CWC15: variants seen among roughly 807,000 people sequenced by gnomAD.
CWC15 encodes spliceosome-associated protein CWC15 homolog.
In CWC15, 12 loss-of-function variants were observed where a neutral mutation model predicts 28.4. The ratio of observed to expected loss-of-function variants is 0.42; its 90% confidence interval spans 0.27 to 0.69. The LOEUF is 0.69. CWC15 is among the 30% of genes least tolerant of loss of function. The pLI, the probability that CWC15 is intolerant of heterozygous loss-of-function variation, is 0.23. For synonymous variants in CWC15, 92 were observed against 88.4 expected (o/e 1.04, Z -0.23); for missense variants, 192 against 271.5 (o/e 0.71, Z 2.06).
chr11:94,972,601 A>G (rs1024892004), intron 1 of CWC15, among the ~76,000 whole-genome samples: 5 of 152,130 alleles, frequency 3.3e-5, no homozygotes, highest in African/African-American at 9.7e-5. Context: ...TTCCAACTCA[A>G]CCTTACTCTA....
Position 94,963,577 on chromosome 11 carries a change from A to G in CWC15, c.561-63T>C, listed in dbSNP as rs1857597331. 13 of 1,434,748 alleles carry G rather than the reference A, an allele frequency of 9.1e-6. No individual in the cohort carries two copies. In the Admixed American group the frequency reaches 2.1e-4, roughly 23 times the overall value. The allele number at this position is 1,434,748 out of a possible 1,614,324, so 88.9% of individuals were successfully genotyped here. On this transcript the variant is annotated intron_variant, in intron 6 of 6. Coordinates refer to ENST00000279839, the MANE Select transcript of CWC15 (RefSeq NM_016403.4). ...TTGTATCAGGAGACAAGAATACTACATGCACTGCAAGGCTTAGTCAGTTAC... is the reference window on the plus strand; with the variant it reads ...TTGTATCAGGAGACAAGAATACTACGTGCACTGCAAGGCTTAGTCAGTTAC...
At chr11:94,971,160 A>C (rs1030331918) in intron 3 of CWC15, 95 bp from the exon 4 acceptor site, 9 of 1,188,898 alleles carry the variant, frequency 7.6e-6, no homozygotes, top group Non-Finnish European at 1.1e-5. Flanking sequence ...CCCACATTAA[A>C]AGCATTATCC....
At chr11:94,963,624 G>C in intron 6 of CWC15, 110 bp from the exon 7 acceptor site, 2 of 782,932 alleles carry the variant, frequency 2.6e-6, no homozygotes, top group Non-Finnish European at 1.8e-6. Flanking sequence ...CTCAACATGT[G>C]TATCATCTGA....
intron 5 of CWC15, among the ~76,000 whole-genome samples, chr11:94,968,221 G>A: frequency 6.6e-6 from 1 of 152,172 alleles, no homozygotes; most frequent in East Asian, 1.9e-4. Context: ...GAGTAGGTGT[G>A]ATAGAGGCTC....
chr11:94,973,052 G>GA (rs1198490510), intron 1 of CWC15, among the ~76,000 whole-genome samples: 2 of 151,632 alleles, frequency 1.3e-5, no homozygotes, highest in Admixed American at 6.6e-5. Flanking sequence ...TTTTTTGGGG[G>GA]GGGGGCGATG....
chr11:94,965,105 C>T (rs1475264780), intron 6 of CWC15, among the ~76,000 whole-genome samples: 3 of 152,082 alleles, frequency 2.0e-5, no homozygotes, highest in African/African-American at 7.2e-5. Context: ...AGCAGTAATG[C>T]ATCACTCCAG....
intron 1 of CWC15, among the ~76,000 whole-genome samples, 154 bp from the exon 2 acceptor site, chr11:94,972,347 T>C (rs1857733956): frequency 6.6e-6 from 1 of 152,140 alleles, no homozygotes; most frequent in African/African-American, 2.4e-5. Flanking sequence ...GAAAACAAAT[T>C]ATGAGGCTTA....
chr11:94,967,064 T>TC (rs1177501657), intron 5 of CWC15, among the ~76,000 whole-genome samples: 2 of 151,630 alleles, frequency 1.3e-5, no homozygotes, highest in Non-Finnish European at 2.9e-5. Flanking sequence ...TTTTTTTTTT[T>TC]TGAGACGGAG....
chr11:94,971,154 C>T (rs996531765), intron 3 of CWC15, 89 bp from the exon 4 acceptor site: 3 of 1,181,564 alleles, frequency 2.5e-6, no homozygotes, highest in East Asian at 2.3e-5. Context: ...AAGGAGCCCA[C>T]ATTAAAAGCA....
At chr11:94,966,581 G>C (rs10831294) in intron 5 of CWC15, among the ~76,000 whole-genome samples, 168 bp from the exon 6 acceptor site, 1 of 123,338 alleles carries the variant, frequency 8.1e-6, no homozygotes, top group African/African-American at 3.1e-5. Flanking sequence ...AGGCATACTA[G>C]AAAAGTCTCC....
intron 1 of CWC15, among the ~76,000 whole-genome samples, chr11:94,972,506 T>C (rs1857736950): frequency 6.6e-6 from 1 of 152,170 alleles, no homozygotes; most frequent in Non-Finnish European, 1.5e-5. Flanking sequence ...AATGGAGATA[T>C]TCCTCATAGA....
intron 2 of CWC15, 79 bp downstream of exon 2, chr11:94,971,976 C>T (rs1249320373): frequency 1.7e-5 from 22 of 1,262,276 alleles, no homozygotes; most frequent in Non-Finnish European, 2.4e-5. Context: ...ATAACTCAAA[C>T]ATACTACTAT....
intron 6 of CWC15, among the ~76,000 whole-genome samples, chr11:94,964,564 T>C (rs1373187449): frequency 1.3e-5 from 2 of 152,192 alleles, no homozygotes; most frequent in East Asian, 1.9e-4. Flanking sequence ...ATCCAGTCTT[T>C]CCTCAACTCC....
In CWC15 at chr11:94,963,517, G is replaced by A; in HGVS notation, c.561-3C>T. 6.4e-7 allele frequency: 1 copy of A among 1,558,224 alleles called. No individual in the cohort carries two copies. ...TGAAGACAACGTCATCATCCCACCT[G>A]AGGAAAAAAAAGCAAACAGAACGTC... On this transcript the variant is annotated splice_polypyrimidine_tract_variant and splice_region_variant and intron_variant, in intron 6 of 6. Coordinates refer to ENST00000279839, the MANE Select transcript of CWC15 (RefSeq NM_016403.4).
rs1555095963 is a variant in CWC15, at chr11:94,970,169, C to T, written c.334-73G>A. On this transcript the variant is annotated intron_variant, in intron 4 of 6. Coordinates refer to ENST00000279839, the MANE Select transcript of CWC15 (RefSeq NM_016403.4). ...ACCAAAACACAGTACATATGTACAA[C>T]GTATCACCCTAAGAAAGTCAAAACA... 16 of 627,480 alleles carry T rather than the reference C, an allele frequency of 2.5e-5. 1 individual carries two copies. Among genetic ancestry groups the T allele is most frequent in the Middle Eastern group, 2.6e-4 (1 of 3,896 alleles). 38.9% of individuals were successfully genotyped at this position (627,480 alleles called of 1,614,324 possible). A position where few individuals can be genotyped will look rare whatever the true frequency, so the allele number is the denominator to read the frequency against.
rs2134103635 is a variant in CWC15, at chr11:94,971,468, G to A, written c.151C>T (p.Pro51Ser). Residue 51 changes from proline (P) to serine (S), a missense_variant, in exon 3 of 7, where the codon CCT becomes TCT. Physicochemically the swap from Pro to Ser is moderately conservative, Grantham distance 74 (BLOSUM62 -1). Transcript: ENST00000279839. ...AAGTCACGGTTACGAACCTCTTCAG[G>A]GGCATCCTGAGTAGTCTGTCTAAAG... ...IKYRQTTQDAPEEVRNRDFRR... is the reference protein window; with the variant it reads ...IKYRQTTQDASEEVRNRDFRR... 1 of 1,609,412 alleles carries A rather than the reference G, an allele frequency of 6.2e-7. No individual in the cohort carries two copies. The highest frequency in any genetic ancestry group is 8.5e-7 in the Non-Finnish European group (1 of 1,177,610).
intron 1 of CWC15, 98 bp from the exon 2 acceptor site, chr11:94,972,291 C>A: frequency 8.4e-7 from 1 of 1,192,176 alleles, no homozygotes; most frequent in East Asian, 2.4e-5. Context: ...AGTTCTAAAA[C>A]TCATTCCCCA....
chr11:94,969,264 TG>T (rs1420140522), intron 5 of CWC15, among the ~76,000 whole-genome samples: 1 of 152,226 alleles, frequency 6.6e-6, no homozygotes, highest in Non-Finnish European at 1.5e-5. Flanking sequence ...GGAGGATTAC[TG>T]GAACAGCCTC....
At chr11:94,966,942 C>T (rs189981829) in intron 5 of CWC15, among the ~76,000 whole-genome samples, 3 of 152,224 alleles carry the variant, frequency 2.0e-5, no homozygotes, top group Admixed American at 6.5e-5. Flanking sequence ...AGAAGTAACT[C>T]CTAAAATAGG....
Sources: allele counts gnomAD v4.1 joint callset (sites outside exome capture counted in the v4.1 genomes callset), GRCh38; gene constraint gnomAD v4.1.1; transcripts MANE v1.5; gene names NCBI Gene and HGNC (gene_info 2026-07-23, HGNC 2026-07-21).